The following PAK2 variants were observed in gnomAD, a reference collection of about 807,000 sequenced individuals.
The protein encoded by PAK2 is serine/threonine-protein kinase PAK 2.
Under a neutral mutation model 65.9 loss-of-function variants are expected in PAK2, and 21 were observed. That is an observed-to-expected ratio of 0.32 (90% confidence interval 0.23 to 0.46). The LOEUF (loss-of-function observed/expected upper bound fraction) is 0.46. Among genes scored for constraint, PAK2 ranks in the 20% least tolerant of loss-of-function variants. The pLI is 1.00. For synonymous variants in PAK2, 204 were observed against 219.7 expected (o/e 0.93, Z 0.63); for missense variants, 324 against 642.6 (o/e 0.50, Z 5.36).
intron 1 of PAK2, among the ~76,000 whole-genome samples, chr3:196,753,011 C>T (rs190528431): frequency 2.0e-5 from 3 of 150,734 alleles, no homozygotes; most frequent in Non-Finnish European, 4.4e-5. Context: ...GACGGAGTCT[C>T]CCTGTGTCAC....
chr3:196,762,568 CGCAGGCACTCG>C (rs1451772975), intron 1 of PAK2, among the ~76,000 whole-genome samples: 4 of 148,786 alleles, frequency 2.7e-5, no homozygotes, highest in East Asian at 2.0e-4. Flanking sequence ...TGCCTGCAAT[CGCAGGCACTCG>C]GCAGGCTGAG....
At chr3:196,799,878 TGC>T (rs904742265) in intron 2 of PAK2, among the ~76,000 whole-genome samples, 1 of 152,164 alleles carries the variant, frequency 6.6e-6, no homozygotes, top group Non-Finnish European at 1.5e-5. Context: ...TCTCCCAAAG[TGC>T]CAGGATTACA....
intron 2 of PAK2, among the ~76,000 whole-genome samples, chr3:196,793,444 A>G (rs866362200): frequency 1.3e-5 from 2 of 152,176 alleles, no homozygotes; most frequent in African/African-American, 4.8e-5. Context: ...GGTACCTTGC[A>G]TGCATGCTGT....
intron 1 of PAK2, among the ~76,000 whole-genome samples, chr3:196,774,168 G>A (rs1389401738): frequency 3.9e-5 from 6 of 152,228 alleles, no homozygotes; most frequent in Non-Finnish European, 8.8e-5. Context: ...AAATAACTAA[G>A]GGTTTATAGT....
At chr3:196,826,702 T>G (rs1711889334) in intron 13 of PAK2, among the ~76,000 whole-genome samples, 1 of 151,988 alleles carries the variant, frequency 6.6e-6, no homozygotes, top group Admixed American at 6.6e-5. Flanking sequence ...AGGTGGATCA[T>G]TTGAGGTCAG....
chr3:196,784,318 T>C (rs1288482549), intron 2 of PAK2, among the ~76,000 whole-genome samples: 1 of 122,928 alleles, frequency 8.1e-6, no homozygotes, highest in Non-Finnish European at 1.7e-5. Flanking sequence ...GCTGGTGCGC[T>C]GCACCCACTA....
At chr3:196,825,077 G>A (rs1049554643) in intron 13 of PAK2, among the ~76,000 whole-genome samples, 4 of 152,188 alleles carry the variant, frequency 2.6e-5, no homozygotes, top group Admixed American at 6.5e-5. Flanking sequence ...CAGACGCAGC[G>A]GCTCATGCCT....
chr3:196,758,617 T>A (rs996413975), intron 1 of PAK2, among the ~76,000 whole-genome samples: 2 of 152,182 alleles, frequency 1.3e-5, no homozygotes, highest in Non-Finnish European at 2.9e-5. Context: ...AGGTTTTAAG[T>A]GGGAGGATGA....
intron 13 of PAK2, 68 bp from the exon 14 acceptor site, chr3:196,827,128 C>T (rs1711904769): frequency 2.0e-6 from 2 of 989,926 alleles, no homozygotes; most frequent in Non-Finnish European, 3.0e-6. Context: ...ATCCCTTAGA[C>T]TTTATGGAGT....
chr3:196,831,765 A>G lies in PAK2; in HGVS notation c.*3360A>G, dbSNP rs1712097362. 6.6e-6 allele frequency: 1 copy of G among 152,204 alleles called. No homozygotes were observed. Among genetic ancestry groups the G allele is most frequent in the African/African-American group, 2.4e-5 (1 of 41,460 alleles). 9.4% of individuals were successfully genotyped at this position (152,204 alleles called of 1,614,324 possible). ...AGAATTTGCATCCATTTTTGAGTCT[A>G]AATCTTTTAAAATATACTGAGATCC... On this transcript the variant is annotated 3_prime_UTR_variant, in exon 15 of 15. Transcript: ENST00000327134.
At chr3:196,821,382 A>C (rs1267745643) in intron 13 of PAK2, among the ~76,000 whole-genome samples, 1 of 151,926 alleles carries the variant, frequency 6.6e-6, no homozygotes, top group Non-Finnish European at 1.5e-5. Context: ...CAACTACTAG[A>C]ATGGCTGTAC....
chr3:196,768,640 C>T (rs1341708455), intron 1 of PAK2, among the ~76,000 whole-genome samples: 1 of 151,550 alleles, frequency 6.6e-6, no homozygotes, highest in Middle Eastern at 3.2e-3. Flanking sequence ...CAAGTGCAAG[C>T]CACCATGGCC....
chr3:196,755,453 C>T (rs1713736380), intron 1 of PAK2, among the ~76,000 whole-genome samples: 1 of 116,456 alleles, frequency 8.6e-6, no homozygotes. Context: ...ATTTCTTCTT[C>T]CGACTTTTTT....
chr3:196,826,692 A>G (rs1382245092), intron 13 of PAK2, among the ~76,000 whole-genome samples: 2 of 152,146 alleles, frequency 1.3e-5, no homozygotes, highest in Admixed American at 6.6e-5. Flanking sequence ...AGGCCGAGGC[A>G]GGTGGATCAT....
At chr3:196,809,187 G>A (rs1394114268) in intron 7 of PAK2, among the ~76,000 whole-genome samples, 1 of 150,876 alleles carries the variant, frequency 6.6e-6, no homozygotes, top group Non-Finnish European at 1.5e-5. Flanking sequence ...GTTCAAGGCT[G>A]TAGTGAGCTG....
chr3:196,798,189 A>G lies in PAK2; in HGVS notation c.188-3738A>G, dbSNP rs113961165. On this transcript the variant is annotated intron_variant, in intron 2 of 14. Coordinates refer to ENST00000327134, the MANE Select transcript of PAK2 (RefSeq NM_002577.4). ...AGTAGATTCATTTAGAATGTCAATA[A>G]AATGGATAAACCTATAGCCAGACTG... Among the ~76,000 whole-genome samples, 1,504 of 152,302 alleles carry G rather than the reference A, an allele frequency of 9.9e-3. 14 individuals are homozygous for G. Among genetic ancestry groups the G allele is most frequent in the Middle Eastern group, 0.054 (16 of 294 alleles).
At chr3:196,787,310 G>A (rs908413937) in intron 2 of PAK2, among the ~76,000 whole-genome samples, 1 of 152,086 alleles carries the variant, frequency 6.6e-6, no homozygotes, top group African/African-American at 2.4e-5. Flanking sequence ...GCCGGGCACC[G>A]TGGCTTATGC....
intron 1 of PAK2, among the ~76,000 whole-genome samples, chr3:196,754,096 T>A (rs907841369): frequency 6.6e-6 from 1 of 152,200 alleles, no homozygotes; most frequent in African/African-American, 2.4e-5. Flanking sequence ...TCTTAATTTC[T>A]TAGTATCCTT....
intron 1 of PAK2, among the ~76,000 whole-genome samples, chr3:196,764,618 C>CA (rs746982784): frequency 0.073 from 8,432 of 116,076 alleles, 333 homozygotes; most frequent in African/African-American, 0.13. Context: ...GACTCTGTCT[C>CA]AAAAAAAAAT....
Sources: allele counts gnomAD v4.1 joint callset (sites outside exome capture counted in the v4.1 genomes callset), GRCh38; gene constraint gnomAD v4.1.1; transcripts MANE v1.5; gene names NCBI Gene and HGNC (gene_info 2026-07-23, HGNC 2026-07-21).